Variants in XYLT1 observed in about 807,000 individuals in gnomAD.
XYLT1 encodes the protein xylosyltransferase 1.
Under a neutral mutation model 91.3 loss-of-function variants are expected in XYLT1, and 36 were observed. The observed-to-expected ratio is 0.39, with a 90% CI of 0.30 to 0.52. The LOEUF is 0.52. XYLT1 is among the 20% of genes least tolerant of loss of function. XYLT1 has a pLI of 0.68. For missense variants in XYLT1, 1,242 were observed against 1,284.5 expected (o/e 0.97, Z 0.51); for synonymous variants, 588 against 532.0 (o/e 1.11, Z -1.45).
intron 1 of XYLT1, among the ~76,000 whole-genome samples, chr16:17,364,916 C>G (rs746087668): frequency 2.6e-5 from 4 of 152,142 alleles, no homozygotes; most frequent in Non-Finnish European, 5.9e-5. Context: ...ATGAAACACC[C>G]TTGGGGGATT....
At chr16:17,231,805 A>G (rs2033160068) in intron 3 of XYLT1, among the ~76,000 whole-genome samples, 1 of 152,078 alleles carries the variant, frequency 6.6e-6, no homozygotes. Flanking sequence ...CCTATATAAG[A>G]TACTTATCAT....
At chr16:17,379,543 G>A (rs2035644994) in intron 1 of XYLT1, among the ~76,000 whole-genome samples, 1 of 152,156 alleles carries the variant, frequency 6.6e-6, no homozygotes, top group Non-Finnish European at 1.5e-5. Context: ...GTGGGTGGGA[G>A]CAGGATCCAG....
chr16:17,451,836 T>G (rs768857065), intron 1 of XYLT1, among the ~76,000 whole-genome samples: 2 of 152,172 alleles, frequency 1.3e-5, no homozygotes, highest in Non-Finnish European at 2.9e-5. Flanking sequence ...CAGTAAGGCA[T>G]GAAAACTGGG....
chr16:17,369,292 G>C (rs2035496632), intron 1 of XYLT1, among the ~76,000 whole-genome samples: 1 of 151,980 alleles, frequency 6.6e-6, no homozygotes, highest in South Asian at 2.1e-4. Flanking sequence ...ACTAAGCCTG[G>C]CTAATTTTTG....
chr16:17,434,835 T>A (rs1459251458), intron 1 of XYLT1, among the ~76,000 whole-genome samples: 1 of 150,832 alleles, frequency 6.6e-6, no homozygotes, highest in African/African-American at 2.4e-5. Flanking sequence ...ACCACTGCAC[T>A]CTAGCTTGGG....
At chr16:17,393,615 G>A (rs571775689) in intron 1 of XYLT1, among the ~76,000 whole-genome samples, 97 of 152,094 alleles carry the variant, frequency 6.4e-4, no homozygotes, top group African/African-American at 2.1e-3. Context: ...TTTAGAGTTC[G>A]GAAAAATGTC....
intron 2 of XYLT1, among the ~76,000 whole-genome samples, chr16:17,285,389 G>A (rs185404141): frequency 6.6e-6 from 1 of 152,180 alleles, no homozygotes; most frequent in Non-Finnish European, 1.5e-5. Context: ...GATGCTTCTC[G>A]ATCTGCTCTC....
Position 17,108,525 on chromosome 16 carries a change from G to T in XYLT1, c.*170C>A. ...CGCAGCTTGCCAAAGGCAGGTTGTTGGCTGATCCTGCTTTGACCTGCTGAC... is the reference window on the plus strand; with the variant it reads ...CGCAGCTTGCCAAAGGCAGGTTGTTTGCTGATCCTGCTTTGACCTGCTGAC... On this transcript the variant is annotated 3_prime_UTR_variant, in exon 12 of 12. Transcript: ENST00000261381. 1.5e-6 allele frequency: 1 copy of T among 661,106 alleles called. No homozygotes were observed. The highest frequency in any genetic ancestry group is 2.4e-6 in the Non-Finnish European group (1 of 413,754). 41.0% of individuals were successfully genotyped at this position (661,106 alleles called of 1,614,324 possible). A position where few individuals can be genotyped will look rare whatever the true frequency, so the allele number is the denominator to read the frequency against.
chr16:17,369,311 T>A (rs2035496940), intron 1 of XYLT1, among the ~76,000 whole-genome samples: 2 of 151,972 alleles, frequency 1.3e-5, no homozygotes, highest in African/African-American at 4.8e-5. Flanking sequence ...TGAACAATAC[T>A]TTTTTTAAAA....
chr16:17,419,256 C>G (rs573069459), intron 1 of XYLT1, among the ~76,000 whole-genome samples: 1 of 151,938 alleles, frequency 6.6e-6, no homozygotes, highest in East Asian at 2.0e-4. Context: ...GTGGAAGGCT[C>G]GCTTGAGACC....
intron 3 of XYLT1, among the ~76,000 whole-genome samples, chr16:17,246,647 G>A (rs1428821925): frequency 6.6e-6 from 1 of 152,162 alleles, no homozygotes; most frequent in African/African-American, 2.4e-5. Flanking sequence ...CCAGGGCTGT[G>A]CAGGAGTCGC....
chr16:17,341,558 C>A (rs192114819), intron 2 of XYLT1, among the ~76,000 whole-genome samples: 117 of 152,220 alleles, frequency 7.7e-4, no homozygotes, highest in South Asian at 5.2e-3. Flanking sequence ...TAAATTGGTG[C>A]ACAAAGTAAT....
At chr16:17,114,500 C>T (rs1021003755) in intron 11 of XYLT1, among the ~76,000 whole-genome samples, 28 of 152,244 alleles carry the variant, frequency 1.8e-4, no homozygotes, top group African/African-American at 6.7e-4. Flanking sequence ...GGAAAATTTC[C>T]CCATGTATTT....
In XYLT1 at chr16:17,204,072, G is replaced by A. The variant is rs575497104; in HGVS notation, c.914-3418C>T. Among the ~76,000 whole-genome samples the A allele has an allele frequency of 1.9e-4, 29 of 152,332 alleles. No homozygotes were observed. In the South Asian group the frequency reaches 5.8e-3, roughly 30 times the overall value. The stretch of plus-strand genomic sequence containing the variant: ...ACATTTCCCAGGTCACACAGTGAGT[G>A]AGGACAGAGGTGGGAGGGGAAGCTG... On this transcript the variant is annotated intron_variant, in intron 3 of 11. Transcript: ENST00000261381.
chr16:17,398,927 C>A (rs1014920763), intron 1 of XYLT1, among the ~76,000 whole-genome samples: 1 of 150,230 alleles, frequency 6.7e-6, no homozygotes, highest in Non-Finnish European at 1.5e-5. Flanking sequence ...TCATTGCAAC[C>A]TCTACCTCCC....
chr16:17,458,886 C>T lies in XYLT1; in HGVS notation c.363+11548G>A, dbSNP rs187105497. On this transcript the variant is annotated intron_variant, in intron 1 of 11. Coordinates refer to ENST00000261381, the MANE Select transcript of XYLT1 (RefSeq NM_022166.4). ...AATATACATTTAAAGAAATATACAG[C>T]GATTAATAATTTCTTTAAATATTCA... Among the ~76,000 whole-genome samples the T allele has an allele frequency of 5.9e-5, 9 of 151,970 alleles. 1 individual carries two copies. The highest frequency in any genetic ancestry group is 1.0e-4 in the Non-Finnish European group (7 of 67,988).
At chr16:17,176,944 T>A (rs1368334112) in intron 5 of XYLT1, among the ~76,000 whole-genome samples, 4 of 152,152 alleles carry the variant, frequency 2.6e-5, no homozygotes, top group African/African-American at 9.7e-5. Context: ...GGCTTCCCAT[T>A]GCTTATAGGA....
At chr16:17,190,445 TC>T (rs1219098787) in intron 5 of XYLT1, among the ~76,000 whole-genome samples, 13 of 35,160 alleles carry the variant, frequency 3.7e-4, no homozygotes, top group Non-Finnish European at 7.1e-4. Flanking sequence ...CCCTCCCCCC[TC>T]CCCCCACCCC....
chr16:17,161,498 T>C (rs2031551329), intron 5 of XYLT1, among the ~76,000 whole-genome samples: 1 of 152,158 alleles, frequency 6.6e-6, no homozygotes, highest in South Asian at 2.1e-4. Flanking sequence ...TTGCTCTGAA[T>C]GCTAAAGCCC....
Sources: allele counts gnomAD v4.1 joint callset (sites outside exome capture counted in the v4.1 genomes callset), GRCh38; gene constraint gnomAD v4.1.1; transcripts MANE v1.5; gene names NCBI Gene and HGNC (gene_info 2026-07-23, HGNC 2026-07-21).